The following DLG2 variants were observed in gnomAD, a reference collection of about 807,000 sequenced individuals.
The protein encoded by DLG2 is disks large homolog 2.
A neutral mutation model predicts 132.5 loss-of-function variants in DLG2; 45 were observed. That is an observed-to-expected ratio of 0.34 (90% CI 0.27 to 0.44). The LOEUF is 0.44. DLG2 is among the 20% of genes least tolerant of loss of function. The probability of loss-of-function intolerance (pLI) is 1.00; values close to 1 mark genes in which losing one functional copy is unlikely to be tolerated. For missense variants in DLG2, 1,045 were observed against 1,196.9 expected, an observed-to-expected ratio of 0.87 and a Z score of 1.87; for synonymous variants, 424 against 419.6, an observed-to-expected ratio of 1.01 and a Z score of -0.13.
chr11:85,403,642 G>A (rs760458208), intron 3 of DLG2, among the ~76,000 whole-genome samples: 1 of 151,960 alleles, frequency 6.6e-6, no homozygotes, highest in African/African-American at 2.4e-5. Flanking sequence ...GGCAGGGTAA[G>A]GAAAATGCAA....
intron 19 of DLG2, among the ~76,000 whole-genome samples, chr11:83,590,496 T>C (rs1271368412): frequency 6.6e-6 from 1 of 151,988 alleles, no homozygotes; most frequent in Non-Finnish European, 1.5e-5. Flanking sequence ...AAGCAGTGTG[T>C]AGAGGGAAAT....
At chr11:84,744,751 C>T (rs550876218) in intron 6 of DLG2, among the ~76,000 whole-genome samples, 1 of 151,990 alleles carries the variant, frequency 6.6e-6, no homozygotes, top group Non-Finnish European at 1.5e-5. Context: ...ATACAAAACA[C>T]ATTGAGAAGA....
intron 6 of DLG2, among the ~76,000 whole-genome samples, chr11:84,598,924 G>A (rs2099569572): frequency 2.0e-5 from 3 of 151,074 alleles, no homozygotes; most frequent in African/African-American, 7.3e-5. Context: ...AGCCTGGGTG[G>A]CAGAGTGAGA....
chr11:83,557,356 C>T (rs1052969211), intron 19 of DLG2, among the ~76,000 whole-genome samples: 2 of 152,198 alleles, frequency 1.3e-5, no homozygotes, highest in Non-Finnish European at 2.9e-5. Context: ...TGCAAGACCC[C>T]AGGCTGCTTT....
At chr11:84,498,819 T>A (rs946654655) in intron 7 of DLG2, among the ~76,000 whole-genome samples, 1 of 152,216 alleles carries the variant, frequency 6.6e-6, no homozygotes, top group African/African-American at 2.4e-5. Flanking sequence ...AAAAACTTAT[T>A]TGTAACAAAA....
At chr11:84,733,557 A>G (rs1565816487) in intron 6 of DLG2, among the ~76,000 whole-genome samples, 1 of 152,134 alleles carries the variant, frequency 6.6e-6, no homozygotes, top group Non-Finnish European at 1.5e-5. Context: ...AGATGAGTAG[A>G]TTGCAAAAAT....
rs546031352 is a variant in DLG2, at chr11:84,012,972, T to C, written c.920-32330A>G. ...ATTACTTCTATCAACAGGTCTCAGA[T>C]CTGTCTTTTAAAGGAAAAGAGAATA... On this transcript the variant is annotated intron_variant, in intron 11 of 27. Transcript: ENST00000376104. Among the ~76,000 whole-genome samples the C allele has an allele frequency of 1.2e-3, 176 of 150,572 alleles. 3 individuals carry two copies. Among genetic ancestry groups the C allele is most frequent in the African/African-American group, 4.1e-3 (166 of 40,724 alleles).
chr11:85,376,174 T>G (rs2085388202), intron 3 of DLG2, among the ~76,000 whole-genome samples: 2 of 152,108 alleles, frequency 1.3e-5, no homozygotes, highest in Non-Finnish European at 2.9e-5. Context: ...TCTGCTTAAC[T>G]CAAAGAAATA....
At chr11:85,621,619 A>C (rs889048582) in intron 2 of DLG2, among the ~76,000 whole-genome samples, 2 of 152,224 alleles carry the variant, frequency 1.3e-5, no homozygotes, top group African/African-American at 4.8e-5. Context: ...TCAGTGGAAG[A>C]AGTAACTTCA....
At chr11:84,693,358 C>T (rs956287023) in intron 6 of DLG2, among the ~76,000 whole-genome samples, 4 of 151,628 alleles carry the variant, frequency 2.6e-5, no homozygotes, top group African/African-American at 7.3e-5. Context: ...CTGTTGCTGA[C>T]TCGAGTTACC....
At chr11:84,704,259 T>G (rs1445852512) in intron 6 of DLG2, among the ~76,000 whole-genome samples, 1 of 151,544 alleles carries the variant, frequency 6.6e-6, no homozygotes, top group Non-Finnish European at 1.5e-5. Flanking sequence ...TCACAGATGC[T>G]GATTCTTAAA....
intron 3 of DLG2, among the ~76,000 whole-genome samples, chr11:85,408,773 C>G (rs1290446826): frequency 2.0e-5 from 3 of 151,642 alleles, no homozygotes; most frequent in Non-Finnish European, 4.4e-5. Flanking sequence ...ATGTGTGCCA[C>G]ATTTTCTTAA....
intron 6 of DLG2, among the ~76,000 whole-genome samples, chr11:84,749,956 G>A (rs879102389): frequency 6.6e-6 from 1 of 152,128 alleles, no homozygotes; most frequent in South Asian, 2.1e-4. Flanking sequence ...ACCTAGAAGA[G>A]TGCCTAGCAT....
chr11:84,549,059 T>C (rs2099396482), intron 6 of DLG2, among the ~76,000 whole-genome samples: 1 of 152,200 alleles, frequency 6.6e-6, no homozygotes, highest in South Asian at 2.1e-4. Context: ...AAGGAAAAAT[T>C]CTCTAGTCCT....
At chr11:85,317,808 A>G (rs2080791427) in intron 3 of DLG2, among the ~76,000 whole-genome samples, 2 of 151,914 alleles carry the variant, frequency 1.3e-5, no homozygotes. Context: ...ACTAATGAGT[A>G]CTAGGCTTAA....
intron 6 of DLG2, among the ~76,000 whole-genome samples, chr11:84,980,327 T>G (rs2055553583): frequency 6.6e-6 from 1 of 152,304 alleles, no homozygotes; most frequent in East Asian, 1.9e-4. Context: ...ATGGTCCTGG[T>G]GGCAGTTCTC....
intron 19 of DLG2, among the ~76,000 whole-genome samples, chr11:83,575,889 C>T (rs895345418): frequency 6.6e-6 from 1 of 151,922 alleles, no homozygotes; most frequent in African/African-American, 2.4e-5. Flanking sequence ...TCAAATATTA[C>T]CAGGCATAAA....
At chr11:85,210,022 G>A (rs2082158088) in intron 4 of DLG2, among the ~76,000 whole-genome samples, 1 of 152,016 alleles carries the variant, frequency 6.6e-6, no homozygotes, top group South Asian at 2.1e-4. Flanking sequence ...AATAACACCT[G>A]CCCTCATCAT....
At chr11:85,399,294 C>A (rs372847403) in intron 3 of DLG2, among the ~76,000 whole-genome samples, 39 of 151,912 alleles carry the variant, frequency 2.6e-4, no homozygotes, top group East Asian at 1.4e-3. Flanking sequence ...CACAAACAAA[C>A]GAAAGAACAT....
Sources: allele counts gnomAD v4.1 joint callset (sites outside exome capture counted in the v4.1 genomes callset), GRCh38; gene constraint gnomAD v4.1.1; transcripts MANE v1.5; gene names NCBI Gene and HGNC (gene_info 2026-07-23, HGNC 2026-07-21).